The following DNAH7 variants were observed in gnomAD, a reference collection of about 807,000 sequenced individuals.
DNAH7 encodes the protein axonemal beta dynein heavy chain 7.
A neutral mutation model predicts 444.6 loss-of-function variants in DNAH7; 397 were observed. The observed-to-expected ratio is 0.89, with a 90% CI of 0.82 to 0.97. DNAH7 has a LOEUF of 0.97. Among genes scored for constraint, DNAH7 ranks in the 50% least tolerant of loss-of-function variants. The probability of loss-of-function intolerance (pLI) is 0.00; values close to 1 mark genes in which losing one functional copy is unlikely to be tolerated. For synonymous variants in DNAH7, 1,636 were observed against 1,624.4 expected, an observed-to-expected ratio of 1.01 and a Z score of -0.17; for missense variants, 4,902 against 4,800.8, an observed-to-expected ratio of 1.02 and a Z score of -0.62.
intron 54 of DNAH7, among the ~76,000 whole-genome samples, chr2:195,804,655 C>T (rs1696624131): frequency 6.6e-6 from 1 of 152,140 alleles, no homozygotes; most frequent in Non-Finnish European, 1.5e-5. Flanking sequence ...TATGTGATTC[C>T]ACTATTTTGA....
intron 63 of DNAH7, among the ~76,000 whole-genome samples, chr2:195,745,569 G>A (rs867989241): frequency 4.6e-5 from 7 of 152,142 alleles, no homozygotes; most frequent in Admixed American, 1.3e-4. Flanking sequence ...TCACCAAAGT[G>A]GAAATGAAGG....
intron 30 of DNAH7, chr2:195,893,912 T>C (rs905815044): frequency 6.6e-6 from 1 of 151,796 alleles, no homozygotes; most frequent in African/African-American, 2.4e-5. Context: ...TATGTATATA[T>C]ATATAAAAGA....
chr2:196,037,759 T>C (rs1696486981), intron 5 of DNAH7, among the ~76,000 whole-genome samples: 1 of 151,980 alleles, frequency 6.6e-6, no homozygotes, highest in Non-Finnish European at 1.5e-5. Flanking sequence ...AGCAAACAAA[T>C]ATTGAAATTT....
At chr2:195,965,428 C>CT (rs1282271280) in intron 17 of DNAH7, among the ~76,000 whole-genome samples, 4 of 151,988 alleles carry the variant, frequency 2.6e-5, no homozygotes, top group Non-Finnish European at 5.9e-5. Context: ...CTAAAGTTTT[C>CT]TTTTTTTGAT....
chr2:196,019,167 C>T lies in DNAH7; in HGVS notation c.869+3G>A. On this transcript the variant is annotated splice_donor_region_variant and intron_variant, in intron 9 of 64. Transcript: ENST00000312428. ...AAACCTCTATAAGGCCACATATACTCACTTAAAATTAGTGTGCCACAAATC... is the reference window on the plus strand; with the variant it reads ...AAACCTCTATAAGGCCACATATACTTACTTAAAATTAGTGTGCCACAAATC... 6 of 1,469,386 alleles carry T rather than the reference C, an allele frequency of 4.1e-6. No individual in the cohort carries two copies. The highest frequency in any genetic ancestry group is 5.5e-6 in the Non-Finnish European group (6 of 1,097,236). The allele number at this position is 1,469,386 out of a possible 1,614,324, so 91.0% of individuals were successfully genotyped here. A position where few individuals can be genotyped will look rare whatever the true frequency, so the allele number is the denominator to read the frequency against.
At chr2:195,880,617 C>A (rs1450151066) in intron 36 of DNAH7, among the ~76,000 whole-genome samples, 1 of 152,090 alleles carries the variant, frequency 6.6e-6, no homozygotes, top group Non-Finnish European at 1.5e-5. Context: ...GGATTACAGG[C>A]GTGAGCCACT....
intron 1 of DNAH7, chr2:196,068,307 G>C: frequency 3.5e-6 from 1 of 285,394 alleles, no homozygotes; most frequent in South Asian, 9.8e-5. Context: ...AAGACTAAGA[G>C]ATTTGTCCAA....
At chr2:195,942,980 G>T (rs1389055891) in intron 19 of DNAH7, among the ~76,000 whole-genome samples, 2 of 152,110 alleles carry the variant, frequency 1.3e-5, no homozygotes, top group African/African-American at 4.8e-5. Context: ...GGAGGTAATT[G>T]AATCATCGGG....
In DNAH7 at chr2:195,845,140, A is replaced by G. The variant is rs1272037770; in HGVS notation, c.8807T>C (p.Leu2936Ser). The change falls in exon 47 of 65, where the codon TTG (leucine) becomes TCG (serine). Residue 2936 changes from leucine (L) to serine (S), a missense_variant. Coordinates refer to ENST00000312428, the MANE Select transcript of DNAH7 (RefSeq NM_018897.3). Reference sequence around the variant, plus strand: ...GCAGGGGATATCTCTTCCTTTGCACAAAGTTGTCCACTCTTTAGTTTGATT... The same window carrying G: ...GCAGGGGATATCTCTTCCTTTGCACGAAGTTGTCCACTCTTTAGTTTGATT... ...RQNQTKEWTTLCKGRDIPCSD... is the reference protein window; with the variant it reads ...RQNQTKEWTTSCKGRDIPCSD... 1 of 1,612,376 alleles carries G rather than the reference A, an allele frequency of 6.2e-7. No individual in the cohort carries two copies. Among genetic ancestry groups the G allele is most frequent in the Non-Finnish European group, 8.5e-7 (1 of 1,179,450 alleles).
At chr2:196,048,814 A>G (rs1054982535) in intron 3 of DNAH7, among the ~76,000 whole-genome samples, 17 of 152,140 alleles carry the variant, frequency 1.1e-4, no homozygotes, top group African/African-American at 4.8e-5. Context: ...CAACTCACAA[A>G]TGTATTCCAT....
chr2:195,778,540 G>C (rs867989359), intron 58 of DNAH7, among the ~76,000 whole-genome samples: 1 of 147,888 alleles, frequency 6.8e-6, no homozygotes, highest in African/African-American at 2.5e-5. Context: ...AAAGGGCTGA[G>C]GTAGGAGGAT....
chr2:195,811,712 C>G (rs1696977475), intron 51 of DNAH7, among the ~76,000 whole-genome samples: 1 of 152,058 alleles, frequency 6.6e-6, no homozygotes, highest in South Asian at 2.1e-4. Flanking sequence ...TTGTGCAACT[C>G]CTAAAACTTA....
chr2:196,024,314 CAT>C, intron 8 of DNAH7, 113 bp downstream of exon 8: 1 of 652,680 alleles, frequency 1.5e-6, no homozygotes, highest in South Asian at 3.2e-5. Flanking sequence ...TACATACACA[CAT>C]ATACATTTAT....
intron 12 of DNAH7, chr2:195,995,432 A>T: frequency 2.3e-6 from 1 of 442,550 alleles, no homozygotes; most frequent in East Asian, 6.0e-5. Context: ...TTGGAGTTTT[A>T]GGACTATCTG....
chr2:195,748,518 A>G (rs1693571502), intron 63 of DNAH7, among the ~76,000 whole-genome samples: 3 of 152,154 alleles, frequency 2.0e-5, no homozygotes, highest in Non-Finnish European at 2.9e-5. Context: ...AAAAGAGCCC[A>G]CATCGCGAAG....
chr2:195,938,522 TA>T (rs59630733), intron 19 of DNAH7, among the ~76,000 whole-genome samples: 25,366 of 152,028 alleles, frequency 0.17, 2,435 homozygotes, highest in African/African-American at 0.27. Context: ...CTAATAAATG[TA>T]AAAAACTCCT....
Position 195,816,826 on chromosome 2 carries a change from A to G in DNAH7, c.9563T>C (p.Val3188Ala). 1.2e-6 allele frequency: 2 copies of G among 1,614,150 alleles called. No individual in the cohort carries two copies. The highest frequency in any genetic ancestry group is 1.1e-5 in the South Asian group (1 of 91,084). The change falls in exon 51 of 65, where the codon GTA (valine) becomes GCA (alanine). Residue 3188 changes from valine (V) to alanine (A), a missense_variant. Coordinates refer to ENST00000312428, the MANE Select transcript of DNAH7 (RefSeq NM_018897.3). ...LANEISQKQEVAEETEKKIDT... is the reference protein window; with the variant it reads ...LANEISQKQEAAEETEKKIDT... Reference sequence around the variant, plus strand: ...AATCTTTTTCTCTGTCTCTTCGGCTACTTCCTGCTTCTGAGAAATCTCATT... The same window carrying G: ...AATCTTTTTCTCTGTCTCTTCGGCTGCTTCCTGCTTCTGAGAAATCTCATT...
At chr2:195,888,186 T>C (rs1207110984) in intron 33 of DNAH7, 72 bp downstream of exon 33, 26 of 1,265,512 alleles carry the variant, frequency 2.1e-5, no homozygotes, top group Non-Finnish European at 2.6e-5. Context: ...AAAACAGACA[T>C]TAAAATTGAT....
intron 15 of DNAH7, among the ~76,000 whole-genome samples, chr2:195,981,238 T>C (rs1196691069): frequency 6.6e-6 from 1 of 151,890 alleles, no homozygotes; most frequent in East Asian, 1.9e-4. Flanking sequence ...AGTAATCTCA[T>C]TTACAATAGC....
Sources: allele counts gnomAD v4.1 joint callset (sites outside exome capture counted in the v4.1 genomes callset), GRCh38; gene constraint gnomAD v4.1.1; transcripts MANE v1.5; gene names NCBI Gene and HGNC (gene_info 2026-07-23, HGNC 2026-07-21).